The following ADAM32 variants were observed in gnomAD, a reference collection of about 807,000 sequenced individuals.
ADAM32 encodes the protein ADAM metallopeptidase domain 32.
Under a neutral mutation model 114.9 loss-of-function variants are expected in ADAM32, and 89 were observed. That is an observed-to-expected ratio of 0.77 (90% confidence interval 0.65 to 0.92). The LOEUF (loss-of-function observed/expected upper bound fraction) is 0.92, where lower values mean the gene tolerates loss of function less well. ADAM32 is among the 40% of genes least tolerant of loss of function. The pLI is 0.00. For synonymous variants in ADAM32, 285 were observed against 307.5 expected (o/e 0.93, Z 0.77); for missense variants, 870 against 932.8 (o/e 0.93, Z 0.88).
At chr8:39,153,670 A>G (rs755101781) in intron 6 of ADAM32, among the ~76,000 whole-genome samples, 20 of 152,164 alleles carry the variant, frequency 1.3e-4, no homozygotes, top group Non-Finnish European at 2.6e-4. Context: ...ACTGTGTCTG[A>G]GAGCACACTC....
intron 16 of ADAM32, 63 bp from the exon 17 acceptor site, chr8:39,246,015 TTACTG>T: frequency 1.7e-6 from 2 of 1,194,802 alleles, no homozygotes; most frequent in Non-Finnish European, 2.5e-6. Context: ...ATATAATTAT[TTACTG>T]TAATGTTATG....
chr8:39,162,000 TTATATA>T (rs5891056), intron 7 of ADAM32, among the ~76,000 whole-genome samples: 12 of 144,494 alleles, frequency 8.3e-5, no homozygotes, highest in Non-Finnish European at 1.5e-4. Flanking sequence ...TTATTTTATT[TTATATA>T]TATATATATA....
chr8:39,114,919 A>T (rs1342631279), intron 1 of ADAM32, among the ~76,000 whole-genome samples: 2 of 152,182 alleles, frequency 1.3e-5, no homozygotes, highest in Non-Finnish European at 2.9e-5. Context: ...CCCTCTTTGC[A>T]TCCATGTGTA....
rs1432021078 is a variant in ADAM32 at position 39,276,003 on chromosome 8, A to G, written c.2279+137A>G. On this transcript the variant is annotated intron_variant, in intron 22 of 24. Coordinates refer to ENST00000379907, the MANE Select transcript of ADAM32 (RefSeq NM_145004.7). ...TAGTAAAGTACTGTACCTTAAAACA[A>G]CCTATTTGCTGATCTAGTAACTTGC... 13 of 674,942 alleles carry G rather than the reference A, an allele frequency of 1.9e-5. No individual in the cohort carries two copies. In the Admixed American group the frequency reaches 3.7e-4, roughly 19 times the overall value. 41.8% of individuals were successfully genotyped at this position (674,942 alleles called of 1,614,324 possible).
At chr8:39,210,809 G>T (rs539450097) in intron 11 of ADAM32, among the ~76,000 whole-genome samples, 2 of 152,070 alleles carry the variant, frequency 1.3e-5, no homozygotes, top group Non-Finnish European at 2.9e-5. Context: ...GGTTAATTGG[G>T]TGCTAATTTT....
intron 22 of ADAM32, among the ~76,000 whole-genome samples, chr8:39,278,837 A>G (rs1419338396): frequency 2.0e-5 from 3 of 152,140 alleles, no homozygotes; most frequent in Admixed American, 2.0e-4. Context: ...ATTTGTGTTA[A>G]ATGCCTGAAC....
chr8:39,275,258 C>A (rs1327913695), intron 21 of ADAM32, among the ~76,000 whole-genome samples: 1 of 152,158 alleles, frequency 6.6e-6, no homozygotes, highest in African/African-American at 2.4e-5. Flanking sequence ...GACTTGTGTA[C>A]CCCCAAAGTC....
chr8:39,133,615 G>A (rs909677085), intron 2 of ADAM32, among the ~76,000 whole-genome samples: 43 of 152,292 alleles, frequency 2.8e-4, no homozygotes, highest in African/African-American at 9.6e-4. Context: ...ACACCATTAC[G>A]GGTGGCAGTA....
chr8:39,206,685 A>G (rs902190715), intron 11 of ADAM32, among the ~76,000 whole-genome samples: 4 of 152,216 alleles, frequency 2.6e-5, no homozygotes, highest in Admixed American at 1.3e-4. Flanking sequence ...TTCCTGGGCT[A>G]TAGACACTGA....
Position 39,198,747 on chromosome 8 carries a change from TTTC to T in ADAM32, c.1052+11704_1052+11706del, listed in dbSNP as rs1807185363. Among the ~76,000 whole-genome samples, 5 of 152,288 alleles carry T rather than the reference TTTC, an allele frequency of 3.3e-5. No homozygotes were observed. The South Asian group carries it at 1.0e-3, about 32-fold the overall frequency. On this transcript the variant is annotated intron_variant, in intron 11 of 24. Coordinates refer to ENST00000379907, the MANE Select transcript of ADAM32 (RefSeq NM_145004.7). ...TTGTGATAGCGTTTAACATTTTTTTTTTCTCTTCTCCTTTTCTTTTCTCTTCTC... is the reference window on the plus strand; with the variant it reads ...TTGTGATAGCGTTTAACATTTTTTTTTCTTCTCCTTTTCTTTTCTCTTCTC...
At chr8:39,201,051 G>A (rs1209560269) in intron 11 of ADAM32, among the ~76,000 whole-genome samples, 3 of 152,310 alleles carry the variant, frequency 2.0e-5, no homozygotes, top group Admixed American at 2.0e-4. Context: ...TTGAAGTCAG[G>A]TAGCGTGATG....
chr8:39,151,508 A>G lies in ADAM32; in HGVS notation c.485A>G (p.Lys162Arg). 6.3e-7 allele frequency: 1 copy of G among 1,594,614 alleles called. No homozygotes were observed. The highest frequency in any genetic ancestry group is 2.3e-5 in the East Asian group (1 of 43,954). The part of the protein sequence containing the change: ...DIAIFIDRSL[K>R]EQPMDDNIFI... ...GCAATTTTTATTGACAGAAGCCTGAAAGAACAACCAATGGATGACAACATT... is the reference window on the plus strand; with the variant it reads ...GCAATTTTTATTGACAGAAGCCTGAGAGAACAACCAATGGATGACAACATT... Residue 162 changes from lysine to arginine, a missense_variant, in exon 6 of 25, where the codon AAA (lysine) becomes AGA (arginine). Physicochemically the swap from Lys to Arg is conservative, Grantham distance 26 (BLOSUM62 2). Coordinates refer to ENST00000379907, the MANE Select transcript of ADAM32 (RefSeq NM_145004.7).
chr8:39,229,253 C>G (rs1036707176), intron 14 of ADAM32, among the ~76,000 whole-genome samples: 2 of 152,102 alleles, frequency 1.3e-5, no homozygotes, highest in Non-Finnish European at 2.9e-5. Context: ...CACACAGGAC[C>G]TATAAAACAA....
At position 39,136,656 on chromosome 8, in the gene ADAM32, G is replaced by T; in HGVS notation, c.139-1G>T. ...ACTCTCAGTTGTTTTGAATTCTCTAGGAACAAATATCCTATATTATTCCAA... is the reference window on the plus strand; with the variant it reads ...ACTCTCAGTTGTTTTGAATTCTCTATGAACAAATATCCTATATTATTCCAA... On this transcript the variant is annotated splice_acceptor_variant, in intron 2 of 24. Transcript: ENST00000379907. LOFTEE classifies it high-confidence loss of function. 6.6e-7 allele frequency: 1 copy of T among 1,526,120 alleles called. No individual in the cohort carries two copies. Among genetic ancestry groups the T allele is most frequent in the Non-Finnish European group, 8.8e-7 (1 of 1,134,990 alleles). The allele number at this position is 1,526,120 out of a possible 1,614,324, so 94.5% of individuals were successfully genotyped here. A position where few individuals can be genotyped will look rare whatever the true frequency, so the allele number is the denominator to read the frequency against.
intron 6 of ADAM32, chr8:39,157,524 A>G (rs1804216428): frequency 5.4e-5 from 25 of 465,888 alleles, no homozygotes; most frequent in South Asian, 4.1e-4. Flanking sequence ...CAGCTGTACA[A>G]TCTGTTCCTG....
At chr8:39,264,908 G>A (rs1156334364) in intron 19 of ADAM32, among the ~76,000 whole-genome samples, 1 of 152,048 alleles carries the variant, frequency 6.6e-6, no homozygotes, top group Non-Finnish European at 1.5e-5. Context: ...TGGTCTGAGA[G>A]TGTGATTGGT....
intron 10 of ADAM32, among the ~76,000 whole-genome samples, chr8:39,176,945 CTTCT>C (rs1197068915): frequency 2.0e-5 from 3 of 152,030 alleles, no homozygotes; most frequent in Non-Finnish European, 2.9e-5. Flanking sequence ...ATGTAATGCC[CTTCT>C]TTGTCTTTTT....
At chr8:39,243,581 G>C (rs529449655) in intron 16 of ADAM32, among the ~76,000 whole-genome samples, 208 of 152,166 alleles carry the variant, frequency 1.4e-3, no homozygotes, top group Middle Eastern at 6.8e-3. Context: ...ATCCAACATC[G>C]CTTTATGATT....
intron 20 of ADAM32, among the ~76,000 whole-genome samples, chr8:39,273,918 CT>C (rs1812910897): frequency 6.6e-6 from 1 of 151,896 alleles, no homozygotes; most frequent in Non-Finnish European, 1.5e-5. Context: ...AAAATACTGT[CT>C]TTTTTTAAAC....
Sources: gnomAD v4.1 joint callset for allele counts (sites outside exome capture counted in the v4.1 genomes callset) on GRCh38, gnomAD v4.1.1 for gene constraint, MANE v1.5 for transcripts, NCBI Gene and HGNC (gene_info 2026-07-23, HGNC 2026-07-21) for gene names.